The following DNAH17 variants were observed in gnomAD, a reference collection of about 807,000 sequenced individuals.
DNAH17 encodes axonemal beta dynein heavy chain 17.
In DNAH17, 376 loss-of-function variants were observed where a neutral mutation model predicts 485.6. The observed-to-expected ratio is 0.77, with a 90% CI of 0.71 to 0.84. The LOEUF (loss-of-function observed/expected upper bound fraction) is 0.84. DNAH17 is among the 40% of genes least tolerant of loss of function. The probability of loss-of-function intolerance (pLI) is 0.00; values close to 1 mark genes in which losing one functional copy is unlikely to be tolerated. For synonymous variants in DNAH17, 3,031 were observed against 2,405.9 expected (o/e 1.26, Z -7.60); for missense variants, 6,370 against 5,839.3 (o/e 1.09, Z -2.96).
intron 54 of DNAH17, among the ~76,000 whole-genome samples, chr17:78,470,939 A>C (rs2088720297): frequency 6.6e-6 from 1 of 152,208 alleles, no homozygotes; most frequent in Non-Finnish European, 1.5e-5. Flanking sequence ...GTTTTTTTTA[A>C]AGCATTTTAC....
intron 16 of DNAH17, among the ~76,000 whole-genome samples, chr17:78,547,652 CTG>C (rs1333422763): frequency 4.1e-5 from 6 of 146,640 alleles, no homozygotes; most frequent in African/African-American, 2.6e-5. Flanking sequence ...GAGTCTCACT[CTG>C]TCTCCCAGGC....
chr17:78,552,152 G>A (rs975767681), intron 15 of DNAH17, among the ~76,000 whole-genome samples: 3 of 152,146 alleles, frequency 2.0e-5, no homozygotes, highest in African/African-American at 7.2e-5. Context: ...CATAGGGTTT[G>A]GAGAATGTGT....
intron 72 of DNAH17, among the ~76,000 whole-genome samples, chr17:78,439,869 C>T (rs922828752): frequency 6.6e-6 from 1 of 151,946 alleles, no homozygotes; most frequent in African/African-American, 2.4e-5. Context: ...GGGGTTTCAT[C>T]ATGTTGGCTA....
chr17:78,537,312 C>G lies in DNAH17; in HGVS notation c.2846G>C (p.Arg949Thr), dbSNP rs769134134. 45 of 1,567,576 alleles carry G rather than the reference C, an allele frequency of 2.9e-5. No homozygotes were observed. Among genetic ancestry groups the G allele is most frequent in the Middle Eastern group, 1.7e-4 (1 of 6,032 alleles). ...ARLIPRLAKDRMNYKMDLEDN... is the reference protein window; with the variant it reads ...ARLIPRLAKDTMNYKMDLEDN... ...GCCAGGACTGACCTTGTAGTTCATC[C>G]TGTCCTTGGCCAGCCGAGGGATGAG... The change falls in exon 19 of 81, where the codon AGG (arginine) becomes ACG (threonine). Residue 949 changes from arginine to threonine, a missense_variant. Physicochemically the swap from Arg to Thr is moderately conservative, Grantham distance 71 (BLOSUM62 -1). Transcript: ENST00000389840.
intron 16 of DNAH17, among the ~76,000 whole-genome samples, chr17:78,546,933 T>G (rs1410068215): frequency 6.6e-6 from 1 of 151,934 alleles, no homozygotes; most frequent in Admixed American, 6.6e-5. Context: ...TTGCTTTTGA[T>G]TCTCATTATC....
At chr17:78,510,685 A>G in intron 26 of DNAH17, 179 bp from the exon 27 acceptor site, 1 of 752,080 alleles carries the variant, frequency 1.3e-6, no homozygotes, top group Non-Finnish European at 2.1e-6. Flanking sequence ...GACTTCTCCA[A>G]GCCTCACCTT....
At chr17:78,492,969 G>T in intron 41 of DNAH17, 1 of 460,254 alleles carries the variant, frequency 2.2e-6, no homozygotes, top group East Asian at 4.7e-5. Context: ...TCTTGCCTTA[G>T]CTTCCCAAGT....
intron 3 of DNAH17, 101 bp downstream of exon 3, chr17:78,572,599 GA>G: frequency 9.1e-7 from 1 of 1,103,816 alleles, no homozygotes; most frequent in South Asian, 1.6e-5. Flanking sequence ...ACTCTGCAGG[GA>G]AACAACGGGT....
intron 48 of DNAH17, among the ~76,000 whole-genome samples, chr17:78,482,348 T>C (rs991638270): frequency 6.6e-6 from 1 of 152,198 alleles, no homozygotes. Flanking sequence ...TCCCCCATTA[T>C]GCACTTTGTG....
At chr17:78,496,173 GC>G in intron 37 of DNAH17, 141 bp from the exon 38 acceptor site, 1 of 988,786 alleles carries the variant, frequency 1.0e-6, no homozygotes, top group Non-Finnish European at 1.4e-6. Context: ...TTTAAATTAA[GC>G]CTTTTATTTT....
chr17:78,498,605 A>G (rs1028829777), intron 37 of DNAH17, among the ~76,000 whole-genome samples: 1 of 151,946 alleles, frequency 6.6e-6, no homozygotes, highest in Non-Finnish European at 1.5e-5. Flanking sequence ...GTTGTTCCCA[A>G]AACACACGGG....
In DNAH17 at chr17:78,570,300, G is replaced by A. The variant is rs1036972113; in HGVS notation, c.991C>T (p.Pro331Ser). 2.5e-6 allele frequency: 4 copies of A among 1,602,318 alleles called. No individual in the cohort carries two copies. Among genetic ancestry groups the A allele is most frequent in the Non-Finnish European group, 3.4e-6 (4 of 1,174,844 alleles). Reference protein sequence around the residue: ...IWATSEYYNTPARIIVILQEF... With the variant: ...IWATSEYYNTSARIIVILQEF... ...TGCAGGATGACGATGATCCTGGCAGGTGTGTTATAGTACTCAGAGGTGGCC... is the reference window on the plus strand; with the variant it reads ...TGCAGGATGACGATGATCCTGGCAGATGTGTTATAGTACTCAGAGGTGGCC... Residue 331 changes from proline (P) to serine (S), a missense_variant, in exon 7 of 81, where the codon CCT (proline) becomes TCT (serine). Transcript: ENST00000389840.
chr17:78,501,761 GCCA>G lies in DNAH17; in HGVS notation c.5300_5302del (p.Val1767del), dbSNP rs1390846590. 2 of 1,613,402 alleles carry G rather than the reference GCCA, an allele frequency of 1.2e-6. No homozygotes were observed. Among genetic ancestry groups the G allele is most frequent in the Non-Finnish European group, 1.7e-6 (2 of 1,179,848 alleles). On this transcript the variant is annotated inframe_deletion, in exon 34 of 81. Transcript: ENST00000389840. Reference sequence around the variant, plus strand: ...TCATGCCTTGGCCACGATCATTTTGGCCACCACGTCCCGTGCGTGCACATCGAT... The same window carrying G: ...TCATGCCTTGGCCACGATCATTTTGGCCACGTCCCGTGCGTGCACATCGAT...
In DNAH17 at chr17:78,543,945, A is replaced by G; in HGVS notation, c.2444T>C (p.Leu815Pro). ...GGCAATTCTTCCATCCAAGTCTAAC[A>G]GGGCCTCTTTCTTATTGTCCTTTCT... Reference protein sequence around the residue: ...FERKDNKKEALLDLDGRIANL... With the variant: ...FERKDNKKEAPLDLDGRIANL... Residue 815 changes from leucine to proline, a missense_variant, in exon 17 of 81, where the codon CTG becomes CCG. Transcript: ENST00000389840. 9 of 1,614,064 alleles carry G rather than the reference A, an allele frequency of 5.6e-6. No homozygotes were observed. Among genetic ancestry groups the G allele is most frequent in the Non-Finnish European group, 6.8e-6 (8 of 1,179,896 alleles).
chr17:78,428,565 G>C lies in DNAH17; in HGVS notation c.12548C>G (p.Thr4183Arg). 1 of 1,613,602 alleles carries C rather than the reference G, an allele frequency of 6.2e-7. No homozygotes were observed. Among genetic ancestry groups the C allele is most frequent in the East Asian group, 2.2e-5 (1 of 44,864 alleles). The change falls in exon 77 of 81, where the codon ACG becomes AGG. Residue 4183 changes from threonine to arginine, a missense_variant. Thr to Arg is a moderately conservative substitution (Grantham distance 71). Coordinates refer to ENST00000389840, the MANE Select transcript of DNAH17 (RefSeq NM_173628.4). ...RTVLEMQPKETDSGAGTGVSR... is the reference protein window; with the variant it reads ...RTVLEMQPKERDSGAGTGVSR... ...CACTCCCGTGCCTGCCCCCGAGTCC[G>C]TCTCTTTTGGCTGCATTTCCAGGAC...
chr17:78,444,844 G>T, intron 70 of DNAH17, 47 bp from the exon 71 acceptor site: 1 of 1,520,018 alleles, frequency 6.6e-7, no homozygotes, highest in South Asian at 1.3e-5. Flanking sequence ...ACTTACCCGG[G>T]TCCCGAGAGC....
chr17:78,491,602 C>A, intron 42 of DNAH17, 32 bp from the exon 43 acceptor site: 1 of 1,607,104 alleles, frequency 6.2e-7, no homozygotes, highest in Non-Finnish European at 8.5e-7. Context: ...ACCCCGGGCC[C>A]TTCACTCCGG....
intron 65 of DNAH17, among the ~76,000 whole-genome samples, chr17:78,452,471 C>T (rs2087595636): frequency 6.6e-6 from 1 of 152,170 alleles, no homozygotes; most frequent in Admixed American, 6.5e-5. Context: ...GGCGCGGTGG[C>T]TCCCGCCTGT....
In DNAH17 at chr17:78,532,625, A is replaced by G; in HGVS notation, c.2971T>C (p.Ser991Pro). 6.2e-7 allele frequency: 1 copy of G among 1,603,432 alleles called. No homozygotes were observed. The highest frequency in any genetic ancestry group is 8.5e-7 in the Non-Finnish European group (1 of 1,174,618). The change falls in exon 20 of 81, where the codon TCC (serine) becomes CCC (proline). Residue 991 changes from serine (S) to proline (P), a missense_variant. Transcript: ENST00000389840. Reference sequence around the variant, plus strand: ...TGCAGGTTGTCCGTCCAGAGGTAGGAGTACCTCTCAAAGGAATCCTGGTAC... The same window carrying G: ...TGCAGGTTGTCCGTCCAGAGGTAGGGGTACCTCTCAAAGGAATCCTGGTAC... ...EEYQDSFERY[S>P]YLWTDNLQEF... is the part of the protein sequence containing the mutation.
Sources: allele counts gnomAD v4.1 joint callset (sites outside exome capture counted in the v4.1 genomes callset), GRCh38; gene constraint gnomAD v4.1.1; transcripts MANE v1.5; gene names NCBI Gene and HGNC (gene_info 2026-07-23, HGNC 2026-07-21).